The following TFDP2 variants were observed in gnomAD, a reference collection of about 807,000 sequenced individuals.
TFDP2 encodes the protein transcription factor Dp-2.
Under a neutral mutation model 59.3 loss-of-function variants are expected in TFDP2, and 17 were observed. That is an observed-to-expected ratio of 0.29 (90% CI 0.20 to 0.43). TFDP2 has a LOEUF of 0.43. Ranked by LOEUF, TFDP2 falls within the 20% of genes least tolerant of loss-of-function variation. TFDP2 has a pLI of 1.00. For missense variants in TFDP2, 391 were observed against 528.8 expected (o/e 0.74, Z 2.56); for synonymous variants, 180 against 194.7 (o/e 0.92, Z 0.63).
chr3:142,108,398 C>T (rs562982195), intron 1 of TFDP2, among the ~76,000 whole-genome samples: 31 of 152,076 alleles, frequency 2.0e-4, no homozygotes, highest in Admixed American at 5.9e-4. Context: ...TTAGTAGAGA[C>T]GGGGTTTCAC....
At chr3:142,080,108 T>C (rs544450168) in intron 3 of TFDP2, among the ~76,000 whole-genome samples, 2 of 152,236 alleles carry the variant, frequency 1.3e-5, no homozygotes, top group South Asian at 4.2e-4. Context: ...GGATTACAGA[T>C]GCACGCTACC....
In TFDP2 at chr3:142,114,959, TA is replaced by T. The variant is rs886929647; in HGVS notation, c.-92-13119del. 3.3e-5 allele frequency among the ~76,000 whole-genome samples: 5 copies of T among 151,742 alleles called. No homozygotes were observed. In the South Asian group the frequency reaches 1.0e-3, roughly 31 times the overall value. On this transcript the variant is annotated intron_variant, in intron 1 of 12. Transcript: ENST00000489671. Reference sequence around the variant, plus strand: ...TCAAGATGTCCTATAAAGCCTTCCATAAAAAAATTCTTTCAATAAAAAAATT... The same window carrying T: ...TCAAGATGTCCTATAAAGCCTTCCATAAAAAATTCTTTCAATAAAAAAATT...
chr3:142,089,536 A>ACTGCTGGT lies in TFDP2; in HGVS notation c.82+3524_82+3525insACCAGCAG, dbSNP rs759842108. ...TAATTAGGCAGGGGAGTGACCCAGT[A>ACTGCTGGT]ACTGCACTTCTGAGTACTTATCTTA... is the stretch of plus-strand genomic sequence containing the variant. On this transcript the variant is annotated intron_variant, in intron 3 of 12. Transcript: ENST00000489671. Among the ~76,000 whole-genome samples the ACTGCTGGT allele has an allele frequency of 2.0e-5, 3 of 152,286 alleles. No individual in the cohort carries two copies. The East Asian group carries it at 5.8e-4, about 29-fold the overall frequency.
In TFDP2 at chr3:141,952,457, T is replaced by G. The variant is rs1481410789; in HGVS notation, c.*56A>C. On this transcript the variant is annotated 3_prime_UTR_variant, in exon 13 of 13. Transcript: ENST00000489671. ...AAGCAATCATTTCAAAAACAAGAGCTCACACTACAAACACACATGAGCATC... is the reference window on the plus strand; with the variant it reads ...AAGCAATCATTTCAAAAACAAGAGCGCACACTACAAACACACATGAGCATC... 2.1e-6 allele frequency: 3 copies of G among 1,445,132 alleles called. No individual in the cohort carries two copies. The highest frequency in any genetic ancestry group is 2.7e-6 in the Non-Finnish European group (3 of 1,096,384). 89.5% of individuals were successfully genotyped at this position (1,445,132 alleles called of 1,614,324 possible). A position where few individuals can be genotyped will look rare whatever the true frequency, so the allele number is the denominator to read the frequency against.
At chr3:142,053,961 A>G (rs2059654210) in intron 3 of TFDP2, among the ~76,000 whole-genome samples, 1 of 152,268 alleles carries the variant, frequency 6.6e-6, no homozygotes, top group East Asian at 1.9e-4. Context: ...TTGAATCACT[A>G]AAATAGAAAA....
chr3:141,947,389 T>C lies in TFDP2; in HGVS notation c.*5124A>G, dbSNP rs1002642892. 1 of 152,052 alleles carries C rather than the reference T, an allele frequency of 6.6e-6. No homozygotes were observed. Among genetic ancestry groups the C allele is most frequent in the Admixed American group, 6.6e-5 (1 of 15,250 alleles). The allele number at this position is 152,052 out of a possible 1,614,324, so 9.4% of individuals were successfully genotyped here. On this transcript the variant is annotated 3_prime_UTR_variant, in exon 13 of 13. Transcript: ENST00000489671. Reference sequence around the variant, plus strand: ...ACAACTTAGAAACACGTAAAATAGTTCTCAATTTCTAATCATTTTTCTTTC... The same window carrying C: ...ACAACTTAGAAACACGTAAAATAGTCCTCAATTTCTAATCATTTTTCTTTC...
chr3:142,142,185 T>C (rs1179970585), intron 1 of TFDP2, among the ~76,000 whole-genome samples: 1 of 152,212 alleles, frequency 6.6e-6, no homozygotes, highest in Non-Finnish European at 1.5e-5. Context: ...GATGCAATTT[T>C]ATATTTGGAA....
chr3:142,051,199 C>G (rs1015676121), intron 3 of TFDP2, among the ~76,000 whole-genome samples: 1 of 152,160 alleles, frequency 6.6e-6, no homozygotes, highest in Admixed American at 6.5e-5. Context: ...GCCTCTACCT[C>G]TACCCAGGGG....
At position 141,952,864 on chromosome 3, in the gene TFDP2, G is replaced by A. The variant is rs189424239; in HGVS notation, c.1157+47C>T. Reference sequence around the variant, plus strand: ...ACCCCGGCTCACCCCTACACAGACAGTCAGGGCTCTGGGGTTTGCCTTTCT... The same window carrying A: ...ACCCCGGCTCACCCCTACACAGACAATCAGGGCTCTGGGGTTTGCCTTTCT... On this transcript the variant is annotated intron_variant, in intron 12 of 12. Transcript: ENST00000489671. 170 of 1,581,194 alleles carry A rather than the reference G, an allele frequency of 1.1e-4. No homozygotes were observed. In the East Asian group the frequency reaches 3.5e-3, roughly 33 times the overall value.
intron 4 of TFDP2, among the ~76,000 whole-genome samples, chr3:141,998,866 T>C (rs1037766391): frequency 6.6e-6 from 1 of 152,044 alleles, no homozygotes; most frequent in African/African-American, 2.4e-5. Context: ...TATGTGCTAC[T>C]GCCATCTACA....
intron 3 of TFDP2, among the ~76,000 whole-genome samples, chr3:142,007,388 A>G (rs185391162): frequency 2.0e-5 from 3 of 152,252 alleles, no homozygotes; most frequent in Admixed American, 1.3e-4. Flanking sequence ...AATGATCTTC[A>G]GATCTTCACT....
intron 3 of TFDP2, among the ~76,000 whole-genome samples, chr3:142,032,035 A>T (rs972346213): frequency 4.6e-5 from 7 of 152,036 alleles, no homozygotes; most frequent in African/African-American, 1.7e-4. Flanking sequence ...CATAGTAAAT[A>T]TTTCATATTT....
At chr3:141,968,391 T>A (rs1325157249) in intron 9 of TFDP2, among the ~76,000 whole-genome samples, 1 of 114,166 alleles carries the variant, frequency 8.8e-6, no homozygotes, top group East Asian at 2.4e-4. Context: ...CTCATATATA[T>A]AACATATATA....
intron 3 of TFDP2, among the ~76,000 whole-genome samples, chr3:142,009,837 G>A (rs1944513129): frequency 6.6e-6 from 1 of 151,902 alleles, no homozygotes; most frequent in South Asian, 2.1e-4. Context: ...AACCAATAAT[G>A]TTGAGACAAG....
At chr3:142,147,987 AAG>A (rs1282776142) in intron 1 of TFDP2, among the ~76,000 whole-genome samples, 1 of 152,208 alleles carries the variant, frequency 6.6e-6, no homozygotes, top group Non-Finnish European at 1.5e-5. Context: ...TCTACTTTTA[AAG>A]AGAGACAGGG....
intron 3 of TFDP2, among the ~76,000 whole-genome samples, chr3:142,055,171 T>A (rs1339884147): frequency 6.6e-6 from 1 of 152,206 alleles, no homozygotes; most frequent in Non-Finnish European, 1.5e-5. Flanking sequence ...CATCTACATA[T>A]AAGAGAAATG....
intron 3 of TFDP2, among the ~76,000 whole-genome samples, chr3:142,027,487 C>T (rs1946178881): frequency 6.6e-6 from 1 of 150,632 alleles, no homozygotes; most frequent in East Asian, 1.9e-4. Context: ...ACCTCCTCTC[C>T]CTCTCCCTCT....
chr3:141,946,057 C>T lies in TFDP2; in HGVS notation c.*6456G>A, dbSNP rs1011530501. On this transcript the variant is annotated 3_prime_UTR_variant, in exon 13 of 13. Transcript: ENST00000489671. The stretch of plus-strand genomic sequence containing the variant: ...ACTTCTACCCCTCAGCTGTTTGGCA[C>T]TTGGTGACACAGGACTGATGCTAAT... 3.9e-5 allele frequency: 6 copies of T among 152,258 alleles called. No homozygotes were observed. The highest frequency in any genetic ancestry group is 1.4e-4 in the African/African-American group (6 of 41,454). 9.4% of individuals were successfully genotyped at this position (152,258 alleles called of 1,614,324 possible). A position where few individuals can be genotyped will look rare whatever the true frequency, so the allele number is the denominator to read the frequency against.
chr3:142,044,721 C>T (rs1368724474), intron 3 of TFDP2, among the ~76,000 whole-genome samples: 5 of 152,152 alleles, frequency 3.3e-5, no homozygotes. Context: ...AAGGATGATC[C>T]AAGATCCTGT....
Sources: gnomAD v4.1 joint callset for allele counts (sites outside exome capture counted in the v4.1 genomes callset) on GRCh38, gnomAD v4.1.1 for gene constraint, MANE v1.5 for transcripts, NCBI Gene and HGNC (gene_info 2026-07-23, HGNC 2026-07-21) for gene names.